The following CCDC60 variants were observed in gnomAD, a reference collection of about 807,000 sequenced individuals.
The protein encoded by CCDC60 is coiled-coil domain containing 60, also known as coiled-coil domain-containing protein 60.
A neutral mutation model predicts 63.5 loss-of-function variants in CCDC60; 54 were observed. That is an observed-to-expected ratio of 0.85 (90% CI 0.68 to 1.07). The LOEUF is 1.07. CCDC60 is among the 50% of genes least tolerant of loss of function. The pLI is 0.00. For synonymous variants in CCDC60, 206 were observed against 238.8 expected (o/e 0.86, Z 1.27); for missense variants, 651 against 684.3 (o/e 0.95, Z 0.54).
intron 4 of CCDC60, among the ~76,000 whole-genome samples, chr12:119,487,083 C>T (rs945926917): frequency 6.6e-6 from 1 of 152,190 alleles, no homozygotes; most frequent in South Asian, 2.1e-4. Context: ...CTCCTGACCT[C>T]GCTCTTGGGG....
chr12:119,438,700 T>C (rs966770061), intron 2 of CCDC60, among the ~76,000 whole-genome samples: 19 of 152,180 alleles, frequency 1.2e-4, no homozygotes, highest in African/African-American at 4.8e-5. Flanking sequence ...CTAGCTGTCT[T>C]GAAAGTATCT....
At chr12:119,464,269 A>G (rs1950910560) in intron 2 of CCDC60, among the ~76,000 whole-genome samples, 1 of 134,410 alleles carries the variant, frequency 7.4e-6, no homozygotes, top group African/African-American at 2.9e-5. Flanking sequence ...ATCATCACGT[A>G]ATATTTTGCC....
At chr12:119,416,493 A>G (rs1956701327) in intron 1 of CCDC60, among the ~76,000 whole-genome samples, 2 of 152,216 alleles carry the variant, frequency 1.3e-5, no homozygotes, top group Non-Finnish European at 2.9e-5. Flanking sequence ...ATGGCCATCA[A>G]GGGTAGAAAA....
chr12:119,410,059 A>G lies in CCDC60; in HGVS notation c.91-18624A>G, dbSNP rs974296873. ...GGCATCAACCTGCTCCAGCCTCCTT[A>G]TAGTCCCACGATACTCAATACCCTG... On this transcript the variant is annotated intron_variant, in intron 1 of 13. Coordinates refer to ENST00000327554, the MANE Select transcript of CCDC60 (RefSeq NM_178499.5). This position sits in a 1 kb window ranked among gnomAD's most constrained non-coding sequence, Gnocchi z 4.0. Among the ~76,000 whole-genome samples the G allele has an allele frequency of 8.5e-5, 13 of 152,076 alleles. No individual in the cohort carries two copies. The highest frequency in any genetic ancestry group is 2.9e-4 in the African/African-American group (12 of 41,382).
intron 2 of CCDC60, among the ~76,000 whole-genome samples, chr12:119,451,748 G>T (rs1198057183): frequency 6.6e-6 from 1 of 152,132 alleles, no homozygotes; most frequent in African/African-American, 2.4e-5. Flanking sequence ...AGGAAGGAAG[G>T]AATTAAATGA....
chr12:119,422,069 T>G (rs1956823378), intron 1 of CCDC60, among the ~76,000 whole-genome samples: 1 of 152,048 alleles, frequency 6.6e-6, no homozygotes, highest in Non-Finnish European at 1.5e-5. Context: ...AAAAACTCAT[T>G]GGGTCGATAA....
At chr12:119,403,312 G>A (rs1328927209) in intron 1 of CCDC60, among the ~76,000 whole-genome samples, 2 of 152,108 alleles carry the variant, frequency 1.3e-5, no homozygotes, top group Non-Finnish European at 2.9e-5. Context: ...GTTCACCTCC[G>A]AAGCCACATG....
chr12:119,361,228 T>C (rs1392598471), intron 1 of CCDC60, among the ~76,000 whole-genome samples: 1 of 147,906 alleles, frequency 6.8e-6, no homozygotes, highest in African/African-American at 2.5e-5. Flanking sequence ...AGAGCTCAAG[T>C]CTATCACAGG....
chr12:119,520,079 A>G, intron 8 of CCDC60, 42 bp from the exon 9 acceptor site: 2 of 1,576,794 alleles, frequency 1.3e-6, no homozygotes, highest in Non-Finnish European at 1.7e-6. Flanking sequence ...CAAAATCTTC[A>G]TGAATTCAGC....
At chr12:119,393,100 G>C (rs1956189473) in intron 1 of CCDC60, among the ~76,000 whole-genome samples, 1 of 152,164 alleles carries the variant, frequency 6.6e-6, no homozygotes, top group African/African-American at 2.4e-5. Flanking sequence ...TGAGATTGAG[G>C]CTGCAGTGAG....
chr12:119,376,293 C>T (rs950514284), intron 1 of CCDC60, among the ~76,000 whole-genome samples: 28 of 152,176 alleles, frequency 1.8e-4, no homozygotes, highest in Non-Finnish European at 3.4e-4. Flanking sequence ...CCCTCCTGTC[C>T]TATCTTTCCA....
In CCDC60 at chr12:119,439,302, A is replaced by G. The variant is rs1268478976; in HGVS notation, c.170+10540A>G. ...GCATACACACACACATGTGAGAGAC[A>G]GAGTGTGTGTGTTATCCAAAGTAGA... On this transcript the variant is annotated intron_variant, in intron 2 of 13. Coordinates refer to ENST00000327554, the MANE Select transcript of CCDC60 (RefSeq NM_178499.5). 2.0e-5 allele frequency among the ~76,000 whole-genome samples: 3 copies of G among 152,256 alleles called. No individual in the cohort carries two copies. In the East Asian group the frequency reaches 5.8e-4, roughly 29 times the overall value.
At chr12:119,421,863 C>T (rs1210249028) in intron 1 of CCDC60, among the ~76,000 whole-genome samples, 2 of 152,176 alleles carry the variant, frequency 1.3e-5, no homozygotes, top group Admixed American at 1.3e-4. Flanking sequence ...CACACCACTT[C>T]CCGATGCTAC....
chr12:119,385,388 T>C (rs1410265396), intron 1 of CCDC60, among the ~76,000 whole-genome samples: 1 of 152,188 alleles, frequency 6.6e-6, no homozygotes, highest in Non-Finnish European at 1.5e-5. Flanking sequence ...TGGGAGGGAC[T>C]TGATGGAAGA....
intron 1 of CCDC60, among the ~76,000 whole-genome samples, chr12:119,358,304 A>G (rs879488375): frequency 1.3e-5 from 2 of 152,160 alleles, no homozygotes; most frequent in Non-Finnish European, 2.9e-5. Context: ...AGGTGATTAG[A>G]CCAGAAAGCC....
chr12:119,498,162 G>A (rs11064816), intron 5 of CCDC60, among the ~76,000 whole-genome samples: 1 of 152,154 alleles, frequency 6.6e-6, no homozygotes, highest in African/African-American at 2.4e-5. Context: ...CTGCTACTCA[G>A]ATCTCCATGC....
intron 11 of CCDC60, among the ~76,000 whole-genome samples, chr12:119,525,354 G>A (rs1015854131): frequency 6.6e-6 from 1 of 152,164 alleles, no homozygotes; most frequent in South Asian, 2.1e-4. Flanking sequence ...TAATCATCAG[G>A]TTTTCCAAGG....
intron 1 of CCDC60, among the ~76,000 whole-genome samples, chr12:119,378,083 G>C (rs920359055): frequency 6.6e-6 from 1 of 152,220 alleles, no homozygotes; most frequent in Non-Finnish European, 1.5e-5. Context: ...GATTCACATA[G>C]AGCCCGAGAG....
intron 8 of CCDC60, among the ~76,000 whole-genome samples, chr12:119,517,359 T>C (rs1288879777): frequency 6.6e-6 from 1 of 152,176 alleles, no homozygotes; most frequent in African/African-American, 2.4e-5. Context: ...TTCTCAGGAA[T>C]CTTCTGGTTA....
Sources: allele counts gnomAD v4.1 joint callset (sites outside exome capture counted in the v4.1 genomes callset), GRCh38; gene constraint gnomAD v4.1.1; non-coding constraint Gnocchi (gnomAD v3.1); transcripts MANE v1.5; gene names NCBI Gene and HGNC (gene_info 2026-07-23, HGNC 2026-07-21).